Variants in HSD17B12 observed in about 807,000 individuals in gnomAD.
HSD17B12 encodes hydroxysteroid 17-beta dehydrogenase 12, also known as very-long-chain 3-oxoacyl-CoA reductase.
In HSD17B12, 32 loss-of-function variants were observed where a neutral mutation model predicts 39.3. The observed-to-expected ratio is 0.81, with a 90% CI of 0.61 to 1.09. The LOEUF is 1.09. Ranked by LOEUF, HSD17B12 falls within the 50% of genes least tolerant of loss-of-function variation. HSD17B12 has a pLI of 0.00. For missense variants in HSD17B12, 342 were observed against 382.9 expected (o/e 0.89, Z 0.89); for synonymous variants, 150 against 146.7 (o/e 1.02, Z -0.16).
At chr11:43,731,362 T>C (rs1950265715) in intron 1 of HSD17B12, among the ~76,000 whole-genome samples, 1 of 152,200 alleles carries the variant, frequency 6.6e-6, no homozygotes, top group Non-Finnish European at 1.5e-5. Flanking sequence ...CCTTCCCTTA[T>C]GTTTATCTGG....
chr11:43,824,296 A>G (rs916518010), intron 6 of HSD17B12, among the ~76,000 whole-genome samples: 3 of 152,314 alleles, frequency 2.0e-5, no homozygotes, highest in African/African-American at 4.8e-5. Flanking sequence ...CAAGTGTTCA[A>G]TGTACTCAAA....
rs148238672 is a variant in HSD17B12, at chr11:43,762,875, A to G, written c.283+8754A>G. Among the ~76,000 whole-genome samples, 354 of 152,304 alleles carry G rather than the reference A, an allele frequency of 2.3e-3. 1 individual carries two copies. The highest frequency in any genetic ancestry group is 8.1e-3 in the African/African-American group (338 of 41,570). On this transcript the variant is annotated intron_variant, in intron 3 of 10. Transcript: ENST00000278353. ...TTCTATTCATCCTGAAAAGTAGTAC[A>G]TGTTGAGCCATATTTATTATTAATT...
At chr11:43,571,777 A>C in the HSD17B12 span, among the ~76,000 whole-genome samples, 1 of 152,052 alleles carries the variant, frequency 6.6e-6, no homozygotes, top group Non-Finnish European at 1.5e-5. Context: ...TAAAACTTTC[A>C]CCCTCAAATC....
chr11:43,693,211 G>A (rs1949878901), intron 1 of HSD17B12, among the ~76,000 whole-genome samples: 1 of 152,230 alleles, frequency 6.6e-6, no homozygotes, highest in Admixed American at 6.5e-5. Flanking sequence ...TTGATTAAAA[G>A]CAACGATAGG....
At chr11:43,730,216 A>T (rs996117365) in intron 1 of HSD17B12, among the ~76,000 whole-genome samples, 1 of 152,204 alleles carries the variant, frequency 6.6e-6, no homozygotes, top group Non-Finnish European at 1.5e-5. Flanking sequence ...AGCTAGCAGA[A>T]CCAGGACCAG....
chr11:43,845,311 A>T (rs1191462127), intron 9 of HSD17B12, among the ~76,000 whole-genome samples: 1 of 152,224 alleles, frequency 6.6e-6, no homozygotes, highest in Non-Finnish European at 1.5e-5. Flanking sequence ...ATATGTAACC[A>T]CAATACCCGT....
At chr11:43,630,132 T>C in the HSD17B12 span, among the ~76,000 whole-genome samples, 1 of 152,182 alleles carries the variant, frequency 6.6e-6, no homozygotes, top group South Asian at 2.1e-4. Flanking sequence ...CAGGGTTCCT[T>C]ATACTATTAA....
At chr11:43,779,805 A>G (rs1192327226) in intron 3 of HSD17B12, among the ~76,000 whole-genome samples, 1 of 152,222 alleles carries the variant, frequency 6.6e-6, no homozygotes, top group Non-Finnish European at 1.5e-5. Flanking sequence ...AATATTTTCC[A>G]CATGATGCAT....
upstream of HSD17B12, among the ~76,000 whole-genome samples, chr11:43,677,408 T>C (rs1243364536): frequency 1.3e-5 from 2 of 152,096 alleles, no homozygotes; most frequent in Non-Finnish European, 2.9e-5. Context: ...TGAAGGAAGG[T>C]AGAGAGTAAG....
At chr11:43,830,902 G>A (rs1951302731) in intron 6 of HSD17B12, 74 bp from the exon 7 acceptor site, 8 of 1,183,372 alleles carry the variant, frequency 6.8e-6, no homozygotes, top group Non-Finnish European at 9.9e-6. Context: ...TTTTAGTGTG[G>A]GTGAGTTTTC....
At chr11:43,604,163 A>G in the HSD17B12 span, among the ~76,000 whole-genome samples, 12 of 152,290 alleles carry the variant, frequency 7.9e-5, no homozygotes, top group Admixed American at 5.2e-4. Flanking sequence ...CCTGAACAAA[A>G]TGTATTCTTT....
chr11:43,744,376 A>T (rs1950395155), intron 1 of HSD17B12, among the ~76,000 whole-genome samples: 1 of 152,148 alleles, frequency 6.6e-6, no homozygotes, highest in Non-Finnish European at 1.5e-5. Flanking sequence ...AGCAGGTTAC[A>T]TAGAAATGGT....
At chr11:43,720,453 C>T (rs1228666539) in intron 1 of HSD17B12, among the ~76,000 whole-genome samples, 1 of 152,250 alleles carries the variant, frequency 6.6e-6, no homozygotes, top group African/African-American at 2.4e-5. Flanking sequence ...ATGAGGCACT[C>T]TCTCTCCTGC....
the HSD17B12 span, among the ~76,000 whole-genome samples, chr11:43,585,565 A>G: frequency 3.3e-5 from 5 of 152,204 alleles, no homozygotes; most frequent in East Asian, 9.6e-4. Flanking sequence ...ATTTTTGGAA[A>G]TTTTTACATT....
chr11:43,756,912 TAA>T (rs1404255588), intron 3 of HSD17B12, among the ~76,000 whole-genome samples: 14 of 152,364 alleles, frequency 9.2e-5, no homozygotes. Context: ...GAACAGATGG[TAA>T]AGACACTGAA....
intron 7 of HSD17B12, among the ~76,000 whole-genome samples, chr11:43,837,049 TAAAC>T (rs1951377834): frequency 6.6e-6 from 1 of 152,136 alleles, no homozygotes; most frequent in Non-Finnish European, 1.5e-5. Context: ...GGACTTCTGT[TAAAC>T]AACAACAACA....
intron 7 of HSD17B12, among the ~76,000 whole-genome samples, chr11:43,837,496 A>T (rs1392143198): frequency 6.6e-6 from 1 of 152,156 alleles, no homozygotes; most frequent in African/African-American, 2.4e-5. Context: ...ACTTTTTAAC[A>T]ACTGGTATCT....
intron 3 of HSD17B12, among the ~76,000 whole-genome samples, chr11:43,783,788 A>G (rs1590296926): frequency 6.6e-6 from 1 of 151,406 alleles, no homozygotes; most frequent in Non-Finnish European, 1.5e-5. Flanking sequence ...GGATACCACT[A>G]TCAATGTTTA....
intron 9 of HSD17B12, among the ~76,000 whole-genome samples, chr11:43,851,401 G>T (rs1314761799): frequency 6.6e-6 from 1 of 152,102 alleles, no homozygotes; most frequent in African/African-American, 2.4e-5. Context: ...ATCCCTTGTT[G>T]GGTTTTTATT....
Sources: allele counts gnomAD v4.1 joint callset (sites outside exome capture counted in the v4.1 genomes callset), GRCh38; gene constraint gnomAD v4.1.1; transcripts MANE v1.5; gene names NCBI Gene and HGNC (gene_info 2026-07-23, HGNC 2026-07-21).